Variants in COL21A1 observed in about 807,000 individuals in gnomAD.
COL21A1 encodes collagen type XXI alpha 1 chain, also known as collagen alpha-1(XXI) chain.
Under a neutral mutation model 137.9 loss-of-function variants are expected in COL21A1, and 149 were observed. The ratio of observed to expected loss-of-function variants is 1.08; its 90% CI spans 0.95 to 1.24. COL21A1 has a LOEUF of 1.24. Ranked by LOEUF, COL21A1 falls within the 50% of genes most tolerant of loss-of-function variation. The pLI is 0.00. For missense variants in COL21A1, 1,167 were observed against 1,158.4 expected (o/e 1.01, Z -0.11); for synonymous variants, 456 against 391.5 (o/e 1.16, Z -1.95).
chr6:56,300,341 G>A (rs1235229525), intron 1 of COL21A1, among the ~76,000 whole-genome samples: 1 of 152,064 alleles, frequency 6.6e-6, no homozygotes, highest in Non-Finnish European at 1.5e-5. Flanking sequence ...TTCAAGCTGA[G>A]TAACAGGTAC....
chr6:56,376,078 C>T (rs1292856666), intron 1 of COL21A1, among the ~76,000 whole-genome samples: 4 of 152,132 alleles, frequency 2.6e-5, no homozygotes, highest in Non-Finnish European at 4.4e-5. Flanking sequence ...AAGGAAGACT[C>T]GCTTCTGACA....
chr6:56,097,529 G>C (rs763553046), intron 17 of COL21A1, among the ~76,000 whole-genome samples: 2 of 149,978 alleles, frequency 1.3e-5, no homozygotes, highest in African/African-American at 2.4e-5. Flanking sequence ...TGGGAGGAAA[G>C]AAAAAAAAGA....
In COL21A1 at chr6:56,077,815, G is replaced by A. The variant is rs1172740065; in HGVS notation, c.1813-242C>T. ...GGCTTTTTGAAAAAGAAACTATGAG[G>A]AAATTCATCTCAGTTCTTGCACCCC... On this transcript the variant is annotated intron_variant, in intron 17 of 29. Coordinates refer to ENST00000244728, the MANE Select transcript of COL21A1 (RefSeq NM_030820.4). 26 of 426,242 alleles carry A rather than the reference G, an allele frequency of 6.1e-5. No individual in the cohort carries two copies. The Admixed American group carries it at 1.1e-3, about 17-fold the overall frequency. 26.4% of individuals were successfully genotyped at this position (426,242 alleles called of 1,614,324 possible). A position where few individuals can be genotyped will look rare whatever the true frequency, so the allele number is the denominator to read the frequency against.
intron 1 of COL21A1, among the ~76,000 whole-genome samples, chr6:56,307,002 TG>T: frequency 6.6e-6 from 1 of 152,342 alleles, no homozygotes; most frequent in South Asian, 2.1e-4. Context: ...ACACCCTGTT[TG>T]CCTGGGTATC....
intron 1 of COL21A1, among the ~76,000 whole-genome samples, chr6:56,359,947 C>A (rs1357848695): frequency 6.6e-6 from 1 of 152,124 alleles, no homozygotes; most frequent in Non-Finnish European, 1.5e-5. Flanking sequence ...AATAAACTAG[C>A]AAGATATGAT....
intron 1 of COL21A1, among the ~76,000 whole-genome samples, chr6:56,188,659 G>A (rs924819612): frequency 5.9e-5 from 9 of 152,156 alleles, no homozygotes; most frequent in Non-Finnish European, 1.2e-4. Flanking sequence ...GCCTCCTCAC[G>A]TGGGTCCCTG....
chr6:56,185,819 A>T (rs1778253894), intron 1 of COL21A1, among the ~76,000 whole-genome samples: 1 of 152,230 alleles, frequency 6.6e-6, no homozygotes, highest in South Asian at 2.1e-4. Context: ...AAAAACATTC[A>T]CACAAAGAAA....
chr6:56,306,671 T>A (rs1018913748), intron 1 of COL21A1, among the ~76,000 whole-genome samples: 3 of 152,160 alleles, frequency 2.0e-5, no homozygotes, highest in Admixed American at 2.0e-4. Context: ...TTGCCATGGG[T>A]TTGAACTTCC....
intron 1 of COL21A1, among the ~76,000 whole-genome samples, chr6:56,207,909 C>T (rs1337427011): frequency 8.5e-5 from 13 of 152,064 alleles, no homozygotes; most frequent in Non-Finnish European, 1.8e-4. Flanking sequence ...TAATCCATCA[C>T]GTAAACAGCA....
At chr6:56,275,717 A>G (rs1763629015) in intron 1 of COL21A1, among the ~76,000 whole-genome samples, 1 of 152,186 alleles carries the variant, frequency 6.6e-6, no homozygotes, top group Admixed American at 6.5e-5. Context: ...AAAAAGTCAA[A>G]AAATGACAGA....
chr6:56,112,680 C>CTTTTTTTTTTTTTTTTTT (rs777172358), intron 16 of COL21A1, among the ~76,000 whole-genome samples: 1 of 129,678 alleles, frequency 7.7e-6, no homozygotes, highest in African/African-American at 2.9e-5. Context: ...TTTTTCTTTT[C>CTTTTTTTTTTTTTTTTTT]TTTTTTCTTT....
intron 1 of COL21A1, among the ~76,000 whole-genome samples, chr6:56,320,534 C>T (rs1278179230): frequency 1.3e-5 from 2 of 151,838 alleles, no homozygotes; most frequent in Non-Finnish European, 2.9e-5. Context: ...CACACACACA[C>T]ACACACACAC....
chr6:56,312,743 G>C (rs1030554397), intron 1 of COL21A1, among the ~76,000 whole-genome samples: 6 of 152,152 alleles, frequency 3.9e-5, no homozygotes, highest in African/African-American at 1.4e-4. Context: ...AAGACACAAG[G>C]TTGCCAAAAG....
intron 1 of COL21A1, among the ~76,000 whole-genome samples, chr6:56,335,918 G>T (rs1290600020): frequency 6.6e-6 from 1 of 152,176 alleles, no homozygotes; most frequent in African/African-American, 2.4e-5. Context: ...TTAACTGTGA[G>T]AGTCTGGGGG....
chr6:56,302,326 C>A (rs1764319615), intron 1 of COL21A1, among the ~76,000 whole-genome samples: 1 of 152,180 alleles, frequency 6.6e-6, no homozygotes, highest in Non-Finnish European at 1.5e-5. Flanking sequence ...AATGGTTGCA[C>A]TAGTTTACAG....
chr6:56,185,191 G>A (rs906954446), intron 1 of COL21A1, among the ~76,000 whole-genome samples: 18 of 151,158 alleles, frequency 1.2e-4, no homozygotes, highest in Non-Finnish European at 2.1e-4. Context: ...AAAAAAAGTA[G>A]AAAAGTAGAA....
chr6:56,282,361 C>G (rs566870340), intron 1 of COL21A1, among the ~76,000 whole-genome samples: 2 of 32,346 alleles, frequency 6.2e-5, no homozygotes, highest in African/African-American at 3.4e-4. Flanking sequence ...TTTTCTCATA[C>G]GCATGGTTTT....
intron 10 of COL21A1, among the ~76,000 whole-genome samples, chr6:56,151,828 A>G (rs934301553): frequency 2.0e-5 from 3 of 152,138 alleles, no homozygotes; most frequent in African/African-American, 7.2e-5. Flanking sequence ...GGCCTTGAAC[A>G]CATACTAATG....
chr6:56,369,578 CAAGAT>C (rs1766182649), intron 1 of COL21A1, among the ~76,000 whole-genome samples: 1 of 148,904 alleles, frequency 6.7e-6, no homozygotes, highest in African/African-American at 2.5e-5. Flanking sequence ...GAATCCTGAA[CAAGAT>C]AAGAAAGGAA....
Sources: gnomAD v4.1 joint callset for allele counts (sites outside exome capture counted in the v4.1 genomes callset) on GRCh38, gnomAD v4.1.1 for gene constraint, MANE v1.5 for transcripts, NCBI Gene and HGNC (gene_info 2026-07-23, HGNC 2026-07-21) for gene names.